EEPD1: variants seen among roughly 807,000 people sequenced by gnomAD.
EEPD1 encodes endonuclease/exonuclease/phosphatase family domain-containing protein 1.
A neutral mutation model predicts 46.3 loss-of-function variants in EEPD1; 17 were observed. That is an observed-to-expected ratio of 0.37 (90% CI 0.25 to 0.55). The LOEUF (loss-of-function observed/expected upper bound fraction) is 0.55, where lower values mean the gene tolerates loss of function less well. Among genes scored for constraint, EEPD1 ranks in the 20% least tolerant of loss-of-function variants. The pLI is 0.83. For synonymous variants in EEPD1, 313 were observed against 315.6 expected (o/e 0.99, Z 0.09); for missense variants, 673 against 745.6 (o/e 0.90, Z 1.13).
chr7:36,251,291 C>T (rs1786735617), intron 3 of EEPD1, among the ~76,000 whole-genome samples: 1 of 151,934 alleles, frequency 6.6e-6, no homozygotes, highest in Non-Finnish European at 1.5e-5. Context: ...CTTTCCTCTA[C>T]TGGTAGGTTT....
chr7:36,163,654 C>T (rs938071024), intron 2 of EEPD1, among the ~76,000 whole-genome samples: 6 of 151,974 alleles, frequency 3.9e-5, no homozygotes, highest in Non-Finnish European at 5.9e-5. Flanking sequence ...CCGAGGCGGG[C>T]GGATCATGAG....
intron 5 of EEPD1, among the ~76,000 whole-genome samples, chr7:36,285,449 AAT>A (rs1388199184): frequency 6.6e-6 from 1 of 152,094 alleles, no homozygotes; most frequent in African/African-American, 2.4e-5. Context: ...CCCATGTGGG[AAT>A]CTCTGTCCCC....
intron 2 of EEPD1, among the ~76,000 whole-genome samples, chr7:36,235,700 G>A (rs1036518556): frequency 4.6e-5 from 7 of 152,250 alleles, no homozygotes; most frequent in Admixed American, 2.0e-4. Context: ...CTTTGCAAGC[G>A]ATGGCTTTAG....
At position 36,301,522 on chromosome 7, in the gene EEPD1, A is replaced by T. The variant is rs949801206; in HGVS notation, c.*2316A>T. 8 of 152,146 alleles carry T rather than the reference A, an allele frequency of 5.3e-5. No individual in the cohort carries two copies. The highest frequency in any genetic ancestry group is 1.9e-4 in the African/African-American group (8 of 41,432). 9.4% of individuals were successfully genotyped at this position (152,146 alleles called of 1,614,324 possible). A position where few individuals can be genotyped will look rare whatever the true frequency, so the allele number is the denominator to read the frequency against. On this transcript the variant is annotated 3_prime_UTR_variant, in exon 8 of 8. Coordinates refer to ENST00000242108, the MANE Select transcript of EEPD1 (RefSeq NM_030636.3). ...GTGTTCATAGTTTATATTAAAGTTC[A>T]CTCTTTGTGTTGTGCATCCTATGGG...
chr7:36,202,098 C>T (rs755671757), intron 2 of EEPD1, among the ~76,000 whole-genome samples: 3 of 152,160 alleles, frequency 2.0e-5, no homozygotes, highest in African/African-American at 4.8e-5. Context: ...TTTCTCCACT[C>T]GAGGACTTGT....
intron 2 of EEPD1, among the ~76,000 whole-genome samples, chr7:36,183,184 T>G (rs1479992127): frequency 6.6e-6 from 1 of 152,164 alleles, no homozygotes; most frequent in African/African-American, 2.4e-5. Flanking sequence ...TGTTCCTGAG[T>G]GTCTTTGCTG....
chr7:36,235,095 C>A (rs1583824881), intron 2 of EEPD1, among the ~76,000 whole-genome samples: 1 of 148,654 alleles, frequency 6.7e-6, no homozygotes, highest in Non-Finnish European at 1.5e-5. Context: ...CCATAGCCTC[C>A]AGCCCAGGCC....
chr7:36,202,391 G>T (rs1785726422), intron 2 of EEPD1, among the ~76,000 whole-genome samples: 1 of 152,098 alleles, frequency 6.6e-6, no homozygotes, highest in South Asian at 2.1e-4. Flanking sequence ...TTTCTGCAGG[G>T]ACTTGGGTTT....
chr7:36,233,413 A>G (rs1786372499), intron 2 of EEPD1, among the ~76,000 whole-genome samples: 1 of 152,252 alleles, frequency 6.6e-6, no homozygotes, highest in Admixed American at 6.5e-5. Context: ...TGTATGAGCT[A>G]TGATAGCAAC....
chr7:36,213,347 G>A (rs1030275722), intron 2 of EEPD1, among the ~76,000 whole-genome samples: 15 of 152,116 alleles, frequency 9.9e-5, no homozygotes, highest in African/African-American at 1.9e-4. Context: ...GTCTGATGGT[G>A]TCTGAGATGG....
At chr7:36,244,841 C>A (rs1258330880) in intron 3 of EEPD1, among the ~76,000 whole-genome samples, 2 of 144,582 alleles carry the variant, frequency 1.4e-5, no homozygotes, top group Non-Finnish European at 3.0e-5. Flanking sequence ...GGTGTGATCT[C>A]GGCTCACTGC....
At chr7:36,298,958 C>A in intron 7 of EEPD1, 49 bp from the exon 8 acceptor site, 1 of 1,595,272 alleles carries the variant, frequency 6.3e-7, no homozygotes. Flanking sequence ...ACCTCCCGCA[C>A]CCAACCCCCC....
At chr7:36,206,504 G>T (rs1164143332) in intron 2 of EEPD1, among the ~76,000 whole-genome samples, 1 of 152,072 alleles carries the variant, frequency 6.6e-6, no homozygotes, top group African/African-American at 2.4e-5. Flanking sequence ...TGTGGCTTAT[G>T]GCTGCCATAT....
chr7:36,177,049 C>T (rs993176062), intron 2 of EEPD1, among the ~76,000 whole-genome samples: 1 of 152,244 alleles, frequency 6.6e-6, no homozygotes, highest in Admixed American at 6.5e-5. Flanking sequence ...TGCACTCTGG[C>T]ACAAGGAAAA....
chr7:36,275,681 C>G (rs1245123810), intron 3 of EEPD1, among the ~76,000 whole-genome samples: 1 of 152,268 alleles, frequency 6.6e-6, no homozygotes, highest in African/African-American at 2.4e-5. Flanking sequence ...AGGCTGGGCT[C>G]AAACTCCTGA....
chr7:36,252,791 A>T (rs1180186328), intron 3 of EEPD1, among the ~76,000 whole-genome samples: 1 of 147,260 alleles, frequency 6.8e-6, no homozygotes. Flanking sequence ...TCAGACAGAA[A>T]GTGGAGGTCT....
intron 2 of EEPD1, among the ~76,000 whole-genome samples, chr7:36,165,499 A>G (rs1047228528): frequency 2.3e-5 from 3 of 132,774 alleles, no homozygotes; most frequent in African/African-American, 8.8e-5. Context: ...AGCTCACTGC[A>G]ACCTCTGCCT....
At chr7:36,166,944 CA>C (rs1004029927) in intron 2 of EEPD1, among the ~76,000 whole-genome samples, 1 of 152,098 alleles carries the variant, frequency 6.6e-6, no homozygotes, top group African/African-American at 2.4e-5. Context: ...GCTTCAACCA[CA>C]GAAATGATTG....
chr7:36,242,862 G>A (rs1313877612), intron 3 of EEPD1, among the ~76,000 whole-genome samples: 1 of 151,846 alleles, frequency 6.6e-6, no homozygotes, highest in Non-Finnish European at 1.5e-5. Context: ...CCGGGAGGTG[G>A]AGGTTGCAGT....
Sources: gnomAD v4.1 joint callset for allele counts (sites outside exome capture counted in the v4.1 genomes callset) on GRCh38, gnomAD v4.1.1 for gene constraint, MANE v1.5 for transcripts, NCBI Gene and HGNC (gene_info 2026-07-23, HGNC 2026-07-21) for gene names.